YES1: variants seen among roughly 807,000 people sequenced by gnomAD.
YES1 encodes YES proto-oncogene 1, Src family tyrosine kinase, also known as tyrosine-protein kinase Yes.
Under a neutral mutation model 70.4 loss-of-function variants are expected in YES1, and 39 were observed. The ratio of observed to expected loss-of-function variants is 0.55; its 90% CI spans 0.43 to 0.72. The LOEUF is 0.72. Among genes scored for constraint, YES1 ranks in the 30% least tolerant of loss-of-function variants. YES1 has a pLI of 0.00. For missense variants in YES1, 495 were observed against 644.8 expected (o/e 0.77, Z 2.52); for synonymous variants, 198 against 218.6 (o/e 0.91, Z 0.83).
chr18:744,231 T>C (rs551867320), intron 6 of YES1, among the ~76,000 whole-genome samples: 8 of 152,090 alleles, frequency 5.3e-5, no homozygotes, highest in African/African-American at 1.9e-4. Context: ...GATTCAAATC[T>C]AGGTCTGTCT....
intron 1 of YES1, among the ~76,000 whole-genome samples, chr18:800,119 T>C (rs114858705): frequency 1.4e-4 from 21 of 152,340 alleles, no homozygotes; most frequent in African/African-American, 5.1e-4. Context: ...TTAATGATAC[T>C]AGTTTAGCAC....
In YES1 at chr18:723,394, CTTTCTTTTCTCGTA is replaced by C. The variant is rs1273563280; in HGVS notation, c.*1016_*1029del. ...ATCCCTCTAACTTGTAAAACTTTCA[CTTTCTTTTCTCGTA>C]TTTCTTTTAAATACATTTTCCTCTC... On this transcript the variant is annotated 3_prime_UTR_variant, in exon 12 of 12. Transcript: ENST00000314574. The C allele has an allele frequency of 6.6e-6, 1 of 152,140 alleles. No homozygotes were observed. Among genetic ancestry groups the C allele is most frequent in the Non-Finnish European group, 1.5e-5 (1 of 67,920 alleles). The allele number at this position is 152,140 out of a possible 1,614,324, so 9.4% of individuals were successfully genotyped here.
chr18:805,889 T>C (rs1231035648), intron 1 of YES1, among the ~76,000 whole-genome samples: 1 of 152,156 alleles, frequency 6.6e-6, no homozygotes, highest in Non-Finnish European at 1.5e-5. Flanking sequence ...ATTAAAAAAT[T>C]AGAGAAGTGA....
intron 1 of YES1, among the ~76,000 whole-genome samples, chr18:799,983 T>C (rs544072187): frequency 6.6e-6 from 1 of 152,326 alleles, no homozygotes; most frequent in South Asian, 2.1e-4. Context: ...ACTCCTATAT[T>C]GTAAGTGGGT....
At chr18:759,322 C>T (rs1904452639) in intron 1 of YES1, among the ~76,000 whole-genome samples, 1 of 152,192 alleles carries the variant, frequency 6.6e-6, no homozygotes, top group Non-Finnish European at 1.5e-5. Context: ...CAAAAATTAG[C>T]TGGGCGAGGT....
intron 1 of YES1, among the ~76,000 whole-genome samples, chr18:765,898 T>C (rs892835011): frequency 2.0e-5 from 3 of 152,174 alleles, no homozygotes; most frequent in African/African-American, 7.2e-5. Context: ...AAAAGCGAGA[T>C]TGCAGTAAGT....
chr18:742,841 A>G lies in YES1; in HGVS notation c.1060+77T>C, dbSNP rs370426200. 3.2e-5 allele frequency: 39 copies of G among 1,200,804 alleles called. No individual in the cohort carries two copies. The African/African-American group carries it at 3.9e-4, about 12-fold the overall frequency. The allele number at this position is 1,200,804 out of a possible 1,614,324, so 74.4% of individuals were successfully genotyped here. A position where few individuals can be genotyped will look rare whatever the true frequency, so the allele number is the denominator to read the frequency against. On this transcript the variant is annotated intron_variant, in intron 8 of 11. Transcript: ENST00000314574. ...TAAAAATCTTAAATTAGAAAACAGT[A>G]TAAGTCTATATGCATACAAATCAAG...
chr18:781,629 C>T (rs1346325011), intron 1 of YES1, among the ~76,000 whole-genome samples: 2 of 152,140 alleles, frequency 1.3e-5, no homozygotes, highest in Admixed American at 6.6e-5. Flanking sequence ...ATAGCTGATG[C>T]CCAATGAATA....
intron 1 of YES1, among the ~76,000 whole-genome samples, chr18:806,916 A>G (rs1005746685): frequency 6.6e-6 from 1 of 152,206 alleles, no homozygotes; most frequent in African/African-American, 2.4e-5. Context: ...CCAAATTCCA[A>G]AGACAAGATA....
intron 2 of YES1, 66 bp from the exon 3 acceptor site, chr18:751,870 T>C (rs2080348508): frequency 3.2e-6 from 3 of 924,490 alleles, no homozygotes; most frequent in South Asian, 1.5e-5. Flanking sequence ...AAAAAAGAAC[T>C]ATTGCCAGCC....
chr18:810,248 C>T (rs1568225031), intron 1 of YES1, among the ~76,000 whole-genome samples: 1 of 152,176 alleles, frequency 6.6e-6, no homozygotes, highest in Non-Finnish European at 1.5e-5. Context: ...TTCACTTATA[C>T]AGGTTTACTT....
At position 739,818 on chromosome 18, in the gene YES1, C is replaced by G. The variant is rs755392569; in HGVS notation, c.1061-7G>C. ...AGGAAATCTAATAAGCTTCCTGTAA[C>G]AGACAGCAAGATATTCATAAAAAAT... is the stretch of plus-strand genomic sequence containing the variant. On this transcript the variant is annotated splice_region_variant and splice_polypyrimidine_tract_variant and intron_variant, in intron 8 of 11. Transcript: ENST00000314574. 7.5e-6 allele frequency: 12 copies of G among 1,604,266 alleles called. No homozygotes were observed. In the African/African-American group the frequency reaches 1.6e-4, roughly 22 times the overall value.
In YES1 at chr18:734,434, C is replaced by G. The variant is rs112667246; in HGVS notation, c.1292-1469G>C. On this transcript the variant is annotated intron_variant, in intron 10 of 11. Coordinates refer to ENST00000314574, the MANE Select transcript of YES1 (RefSeq NM_005433.4). Reference sequence around the variant, plus strand: ...ATTAGCCGAGCTTGGTGGCAGGCACCTGTAGTCCCAGCTACTCGGGAGGCT... The same window carrying G: ...ATTAGCCGAGCTTGGTGGCAGGCACGTGTAGTCCCAGCTACTCGGGAGGCT... Among the ~76,000 whole-genome samples the G allele has an allele frequency of 2.6e-3, 393 of 151,110 alleles. 5 individuals are homozygous for G. Among genetic ancestry groups the G allele is most frequent in the African/African-American group, 9.1e-3 (372 of 40,994 alleles).
At chr18:804,140 A>G (rs1388042381) in intron 1 of YES1, among the ~76,000 whole-genome samples, 1 of 152,238 alleles carries the variant, frequency 6.6e-6, no homozygotes, top group Non-Finnish European at 1.5e-5. Flanking sequence ...TATCCAGAAC[A>G]AGTTGTCCAT....
intron 1 of YES1, among the ~76,000 whole-genome samples, chr18:769,288 G>T (rs552475327): frequency 2.7e-4 from 41 of 152,270 alleles, no homozygotes; most frequent in African/African-American, 9.9e-4. Context: ...TGTATATTAC[G>T]TTCTTGTGAC....
intron 1 of YES1, among the ~76,000 whole-genome samples, chr18:783,096 T>C (rs1336111371): frequency 1.3e-5 from 2 of 152,104 alleles, no homozygotes; most frequent in African/African-American, 2.4e-5. Flanking sequence ...TTAAAAATTA[T>C]ATAGCCACTA....
intron 1 of YES1, among the ~76,000 whole-genome samples, chr18:800,930 G>C (rs1376004155): frequency 6.6e-6 from 1 of 151,978 alleles, no homozygotes; most frequent in Non-Finnish European, 1.5e-5. Flanking sequence ...GGTGGATCAC[G>C]AGGTCAGGAG....
intron 1 of YES1, among the ~76,000 whole-genome samples, chr18:808,030 T>G (rs539171894): frequency 6.6e-6 from 1 of 152,220 alleles, no homozygotes; most frequent in Non-Finnish European, 1.5e-5. Context: ...CACAGAGGCT[T>G]GTAACTCAGT....
intron 1 of YES1, among the ~76,000 whole-genome samples, chr18:803,891 G>A (rs1464854638): frequency 2.0e-5 from 3 of 152,148 alleles, no homozygotes; most frequent in Non-Finnish European, 2.9e-5. Context: ...TATTTGTGAG[G>A]CTTTTATAAG....
Sources: allele counts gnomAD v4.1 joint callset (sites outside exome capture counted in the v4.1 genomes callset), GRCh38; gene constraint gnomAD v4.1.1; transcripts MANE v1.5; gene names NCBI Gene and HGNC (gene_info 2026-07-23, HGNC 2026-07-21).